The following GBE1 variants were observed in gnomAD, a reference collection of about 807,000 sequenced individuals.
The protein encoded by GBE1 is 1,4-alpha-glucan-branching enzyme.
Under a neutral mutation model 88.8 loss-of-function variants are expected in GBE1, and 70 were observed. The observed-to-expected ratio is 0.79, with a 90% confidence interval of 0.65 to 0.96. GBE1 has a LOEUF of 0.96. Among genes scored for constraint, GBE1 ranks in the 40% least tolerant of loss-of-function variants. The probability of loss-of-function intolerance (pLI) is 0.00; values close to 1 mark genes in which losing one functional copy is unlikely to be tolerated. For missense variants in GBE1, 872 were observed against 871.0 expected (o/e 1.00, Z -0.01); for synonymous variants, 284 against 300.1 (o/e 0.95, Z 0.56).
In GBE1 at chr3:81,732,397, A is replaced by G. The variant is rs937460976; in HGVS notation, c.144-26784T>C. Among the ~76,000 whole-genome samples the G allele has an allele frequency of 7.4e-4, 112 of 152,308 alleles. 1 individual carries two copies. The highest frequency in any genetic ancestry group is 2.5e-3 in the African/African-American group (105 of 41,588). On this transcript the variant is annotated intron_variant, in intron 1 of 15. Transcript: ENST00000429644. Reference sequence around the variant, plus strand: ...GGTCTTTGTCCTTACAATCTATGAGATTTATGCATTTAAATCTGCAAGCTA... The same window carrying G: ...GGTCTTTGTCCTTACAATCTATGAGGTTTATGCATTTAAATCTGCAAGCTA...
rs115709243 is a variant in GBE1 at position 81,619,891 on chromosome 3, T to C, written c.992+22890A>G. ...TTAAAATGAAGTTTTTCTTTTTACC[T>C]TTTTTTGTAGATCTCTTAGAGTAAA... is the stretch of plus-strand genomic sequence containing the variant. On this transcript the variant is annotated intron_variant, in intron 7 of 15. Coordinates refer to ENST00000429644, the MANE Select transcript of GBE1 (RefSeq NM_000158.4). 3.6e-3 allele frequency among the ~76,000 whole-genome samples: 551 copies of C among 151,632 alleles called. 4 individuals are homozygous for C. Among genetic ancestry groups the C allele is most frequent in the African/African-American group, 0.013 (521 of 41,538 alleles).
At chr3:81,736,586 A>G (rs575110645) in intron 1 of GBE1, among the ~76,000 whole-genome samples, 1 of 152,222 alleles carries the variant, frequency 6.6e-6, no homozygotes, top group Non-Finnish European at 1.5e-5. Flanking sequence ...TCCCCGTGAA[A>G]GACTGGGATC....
At chr3:81,518,035 A>G (rs944090060) in intron 14 of GBE1, among the ~76,000 whole-genome samples, 2 of 151,352 alleles carry the variant, frequency 1.3e-5, no homozygotes, top group Non-Finnish European at 3.0e-5. Flanking sequence ...CAAACACATA[A>G]TAGTATCTCC....
intron 7 of GBE1, among the ~76,000 whole-genome samples, chr3:81,601,178 C>A (rs1030677751): frequency 6.6e-6 from 1 of 152,074 alleles, no homozygotes; most frequent in South Asian, 2.1e-4. Flanking sequence ...AATTCAAAGT[C>A]ATCAAGTGTC....
At chr3:81,504,714 T>C (rs1319020430) in intron 14 of GBE1, among the ~76,000 whole-genome samples, 1 of 152,178 alleles carries the variant, frequency 6.6e-6, no homozygotes, top group African/African-American at 2.4e-5. Context: ...AGGAGGCCTG[T>C]ACTAATAAGA....
At chr3:81,684,887 T>C (rs992909566) in intron 2 of GBE1, among the ~76,000 whole-genome samples, 2 of 152,188 alleles carry the variant, frequency 1.3e-5, no homozygotes, top group African/African-American at 4.8e-5. Context: ...ACCACACTGC[T>C]GCGATAAGTC....
chr3:81,512,894 T>A (rs1448028215), intron 14 of GBE1, among the ~76,000 whole-genome samples: 2 of 151,810 alleles, frequency 1.3e-5, no homozygotes, highest in Non-Finnish European at 2.9e-5. Flanking sequence ...ACATGATTCA[T>A]ACGACTAATT....
At chr3:81,497,443 C>G (rs1052988339) in intron 15 of GBE1, among the ~76,000 whole-genome samples, 3 of 152,142 alleles carry the variant, frequency 2.0e-5, no homozygotes. Flanking sequence ...GTTTCTGCTT[C>G]CTAAGAATCT....
intron 14 of GBE1, among the ~76,000 whole-genome samples, chr3:81,512,978 G>C (rs545359270): frequency 1.3e-5 from 2 of 150,160 alleles, no homozygotes; most frequent in East Asian, 3.9e-4. Flanking sequence ...AATTTGAATG[G>C]GCTGAGCTAG....
intron 12 of GBE1, among the ~76,000 whole-genome samples, chr3:81,543,727 G>C (rs192594817): frequency 6.6e-6 from 1 of 152,060 alleles, no homozygotes; most frequent in African/African-American, 2.4e-5. Context: ...CTGTGTATAA[G>C]GGCTACTGTG....
intron 12 of GBE1, among the ~76,000 whole-genome samples, chr3:81,539,647 T>C (rs1029741275): frequency 1.3e-5 from 2 of 151,930 alleles, no homozygotes; most frequent in African/African-American, 4.8e-5. Flanking sequence ...ATTTCTGAGA[T>C]GGAAATAACA....
intron 11 of GBE1, among the ~76,000 whole-genome samples, chr3:81,578,656 T>C (rs1703681575): frequency 6.6e-6 from 1 of 151,984 alleles, no homozygotes; most frequent in Non-Finnish European, 1.5e-5. Context: ...GTATTTGCCA[T>C]TTAATCTAAA....
At chr3:81,750,809 T>C (rs1706519536) in intron 1 of GBE1, among the ~76,000 whole-genome samples, 1 of 149,060 alleles carries the variant, frequency 6.7e-6, no homozygotes, top group Non-Finnish European at 1.5e-5. Context: ...GCCTCCTAAG[T>C]AGCTGGGACT....
At chr3:81,742,947 A>G (rs1025934018) in intron 1 of GBE1, among the ~76,000 whole-genome samples, 1 of 152,148 alleles carries the variant, frequency 6.6e-6, no homozygotes, top group Admixed American at 6.6e-5. Context: ...CAACAACGAC[A>G]GTAATAAATA....
At chr3:81,608,551 A>G (rs1010763423) in intron 7 of GBE1, among the ~76,000 whole-genome samples, 2 of 152,156 alleles carry the variant, frequency 1.3e-5, no homozygotes, top group Non-Finnish European at 2.9e-5. Context: ...TTTCACTGAC[A>G]TGTAGAACTG....
intron 15 of GBE1, among the ~76,000 whole-genome samples, chr3:81,497,520 A>C (rs1702516411): frequency 6.6e-6 from 1 of 152,182 alleles, no homozygotes; most frequent in Non-Finnish European, 1.5e-5. Flanking sequence ...AGTGCAAAAA[A>C]AGTTAAATTA....
chr3:81,711,167 T>C (rs534667545), intron 1 of GBE1, among the ~76,000 whole-genome samples: 1 of 152,304 alleles, frequency 6.6e-6, no homozygotes, highest in South Asian at 2.1e-4. Context: ...TACCTGGAAA[T>C]GTATTGAGTA....
chr3:81,564,042 A>G (rs1192818899), intron 12 of GBE1, among the ~76,000 whole-genome samples: 3 of 152,100 alleles, frequency 2.0e-5, no homozygotes, highest in Admixed American at 6.6e-5. Context: ...TTAATCACCA[A>G]TGGAACAGCA....
In GBE1 at chr3:81,761,612, G is replaced by A; in HGVS notation, c.-95C>T. 6.9e-7 allele frequency: 1 copy of A among 1,454,698 alleles called. No individual in the cohort carries two copies. Among genetic ancestry groups the A allele is most frequent in the Non-Finnish European group, 9.2e-7 (1 of 1,089,728 alleles). The allele number at this position is 1,454,698 out of a possible 1,614,324, so 90.1% of individuals were successfully genotyped here. On this transcript the variant is annotated 5_prime_UTR_variant, in exon 1 of 16. Coordinates refer to ENST00000429644, the MANE Select transcript of GBE1 (RefSeq NM_000158.4). ...GCTGGGACGCGGCGGCTAGGGCGGA[G>A]CCGGAGGGCGCCTAGGCGTGTCGAG...
Sources: gnomAD v4.1 joint callset for allele counts (sites outside exome capture counted in the v4.1 genomes callset) on GRCh38, gnomAD v4.1.1 for gene constraint, MANE v1.5 for transcripts, NCBI Gene and HGNC (gene_info 2026-07-23, HGNC 2026-07-21) for gene names.